Variants in SORCS3 observed in about 807,000 individuals in gnomAD.
SORCS3 encodes sortilin related VPS10 domain containing receptor 3, also known as VPS10 domain-containing receptor SorCS3.
SORCS3 carries 57 observed loss-of-function variants against 146.3 expected under a neutral mutation model. That is an observed-to-expected ratio of 0.39 (90% CI 0.31 to 0.49). The LOEUF is 0.49. SORCS3 is among the 20% of genes least tolerant of loss of function. SORCS3 has a pLI of 0.92. For synonymous variants in SORCS3, 653 were observed against 618.5 expected, an observed-to-expected ratio of 1.06 and a Z score of -0.83; for missense variants, 1,341 against 1,575.5, an observed-to-expected ratio of 0.85 and a Z score of 2.52.
intron 1 of SORCS3, among the ~76,000 whole-genome samples, chr10:104,695,753 A>G (rs1244030527): frequency 6.6e-6 from 1 of 151,248 alleles, no homozygotes; most frequent in Non-Finnish European, 1.5e-5. Context: ...TGTATTGGAT[A>G]TTTTTCTAGA....
chr10:105,183,152 A>C (rs2056453297), intron 14 of SORCS3, among the ~76,000 whole-genome samples: 1 of 152,292 alleles, frequency 6.6e-6, no homozygotes, highest in South Asian at 2.1e-4. Flanking sequence ...GAGTGGTAGG[A>C]ATGTGCCTGG....
intron 20 of SORCS3, among the ~76,000 whole-genome samples, chr10:105,242,365 T>A (rs1429774765): frequency 8.1e-6 from 1 of 123,980 alleles, no homozygotes; most frequent in Admixed American, 9.8e-5. Flanking sequence ...TATTTATATA[T>A]ATTTATACAT....
intron 1 of SORCS3, among the ~76,000 whole-genome samples, chr10:104,818,813 G>A (rs897324899): frequency 6.6e-6 from 1 of 152,222 alleles, no homozygotes; most frequent in African/African-American, 2.4e-5. Flanking sequence ...CTTGAACCAT[G>A]CCTGCTTCTA....
intron 2 of SORCS3, among the ~76,000 whole-genome samples, chr10:104,907,074 T>C (rs2018913657): frequency 6.6e-6 from 1 of 152,130 alleles, no homozygotes; most frequent in Non-Finnish European, 1.5e-5. Flanking sequence ...TTAGAGACTT[T>C]TCAGGTCAAT....
chr10:105,105,402 C>T lies in SORCS3; in HGVS notation c.1099C>T (p.His367Tyr), dbSNP rs1358595280. ...ACTCTACCCTCCTGTTTCAGATGCT[C>T]ACTACCTCACCTGCAGGATCCAGGA... ...MEVRTTDGYA[H>Y]YLTCRIQECA... The change falls in exon 7 of 27, where the codon CAC becomes TAC. Residue 367 changes from histidine (H) to tyrosine (Y), a missense_variant. Transcript: ENST00000369701. 1.6e-5 allele frequency: 26 copies of T among 1,611,390 alleles called. No homozygotes were observed. Among genetic ancestry groups the T allele is most frequent in the Non-Finnish European group, 2.1e-5 (25 of 1,177,794 alleles).
At chr10:104,696,532 T>A (rs868667446) in intron 1 of SORCS3, among the ~76,000 whole-genome samples, 3 of 79,770 alleles carry the variant, frequency 3.8e-5, no homozygotes, top group African/African-American at 1.5e-4. Context: ...AGAATATATA[T>A]TATATACATA....
chr10:104,798,750 G>A (rs2017588851), intron 1 of SORCS3, among the ~76,000 whole-genome samples: 1 of 152,168 alleles, frequency 6.6e-6, no homozygotes, highest in African/African-American at 2.4e-5. Context: ...ACTATCATTA[G>A]AGTGAACAGG....
chr10:104,661,956 C>T (rs1490056250), intron 1 of SORCS3, among the ~76,000 whole-genome samples: 2 of 152,192 alleles, frequency 1.3e-5, no homozygotes, highest in Admixed American at 6.5e-5. Context: ...TGCTGTGTGC[C>T]GGGTGCCAGT....
At chr10:105,135,749 G>C (rs565260603) in intron 7 of SORCS3, among the ~76,000 whole-genome samples, 127 of 152,268 alleles carry the variant, frequency 8.3e-4, no homozygotes, top group African/African-American at 2.4e-3. Flanking sequence ...ACACAGGCAC[G>C]ATTAAGCCAA....
chr10:104,681,894 A>G (rs1004997576), intron 1 of SORCS3, among the ~76,000 whole-genome samples: 1 of 152,072 alleles, frequency 6.6e-6, no homozygotes, highest in Non-Finnish European at 1.5e-5. Context: ...GTCTAATACT[A>G]TGTTCCCCTC....
intron 1 of SORCS3, among the ~76,000 whole-genome samples, chr10:104,745,165 GGT>G (rs1280547254): frequency 6.6e-6 from 1 of 152,040 alleles, no homozygotes; most frequent in Non-Finnish European, 1.5e-5. Context: ...GTTTGAAGGG[GGT>G]TTCCTACTCA....
chr10:104,824,514 G>A (rs533490451), intron 1 of SORCS3, among the ~76,000 whole-genome samples: 2 of 152,346 alleles, frequency 1.3e-5, no homozygotes, highest in Non-Finnish European at 2.9e-5. Context: ...TGAATAGGAG[G>A]TGGGTTGTGA....
At chr10:104,906,775 CTGTT>C (rs1379949363) in intron 2 of SORCS3, among the ~76,000 whole-genome samples, 9 of 152,266 alleles carry the variant, frequency 5.9e-5, no homozygotes, top group Middle Eastern at 6.8e-3. Context: ...AACATTGTGA[CTGTT>C]TGGTAACAAT....
intron 1 of SORCS3, among the ~76,000 whole-genome samples, chr10:104,768,596 C>G (rs2017209867): frequency 6.6e-6 from 1 of 152,094 alleles, no homozygotes; most frequent in Non-Finnish European, 1.5e-5. Flanking sequence ...AACAGAGCAC[C>G]TGTAATAAGT....
Position 105,255,741 on chromosome 10 carries a change from G to A in SORCS3, c.3277G>A (p.Val1093Ile), listed in dbSNP as rs976743707. 12 of 1,613,740 alleles carry A rather than the reference G, an allele frequency of 7.4e-6. No individual in the cohort carries two copies. Among genetic ancestry groups the A allele is most frequent in the Non-Finnish European group, 8.5e-6 (10 of 1,179,904 alleles). Residue 1093 changes from valine to isoleucine, a missense_variant, in exon 24 of 27, where the codon GTC becomes ATC. Val to Ile is a conservative substitution (Grantham distance 29, BLOSUM62 3). Transcript: ENST00000369701. ...GTTTAATGCTCTCAACCAAAATTTG[G>A]TCCAGTTTGAGCTGAAGCCGGGGGT... Reference protein sequence around the residue: ...TLFNALNQNLVQFELKPGVQV... With the variant: ...TLFNALNQNLIQFELKPGVQV...
At chr10:105,095,216 G>A (rs1325794123) in intron 6 of SORCS3, among the ~76,000 whole-genome samples, 1 of 152,148 alleles carries the variant, frequency 6.6e-6, no homozygotes, top group Non-Finnish European at 1.5e-5. Context: ...GCACAAGGCA[G>A]CTTTTGCTCT....
At chr10:105,234,985 G>C (rs2056785045) in intron 20 of SORCS3, among the ~76,000 whole-genome samples, 1 of 152,038 alleles carries the variant, frequency 6.6e-6, no homozygotes, top group Non-Finnish European at 1.5e-5. Flanking sequence ...CTTTAGTAAT[G>C]TGATGGTAAG....
chr10:104,826,016 A>G (rs1006100796), intron 1 of SORCS3, among the ~76,000 whole-genome samples: 4 of 152,138 alleles, frequency 2.6e-5, no homozygotes, highest in African/African-American at 9.7e-5. Context: ...CAGGATAACT[A>G]CTGCTTGTTA....
intron 1 of SORCS3, among the ~76,000 whole-genome samples, chr10:104,761,325 T>C (rs377634234): frequency 2.6e-4 from 39 of 152,348 alleles, no homozygotes; most frequent in African/African-American, 7.9e-4. Context: ...GGTATTTTTC[T>C]ATTTTCTTGC....
Sources: allele counts gnomAD v4.1 joint callset (sites outside exome capture counted in the v4.1 genomes callset), GRCh38; gene constraint gnomAD v4.1.1; transcripts MANE v1.5; gene names NCBI Gene and HGNC (gene_info 2026-07-23, HGNC 2026-07-21).